Variants in KLKB1 observed in about 807,000 individuals in gnomAD.
KLKB1 encodes kallikrein B1, also known as plasma kallikrein.
KLKB1 carries 58 observed loss-of-function variants against 73.6 expected under a neutral mutation model. That is an observed-to-expected ratio of 0.79 (90% CI 0.64 to 0.98). The LOEUF (loss-of-function observed/expected upper bound fraction) is 0.98. KLKB1 is among the 50% of genes least tolerant of loss of function. The probability of loss-of-function intolerance (pLI) is 0.00; values close to 1 mark genes in which losing one functional copy is unlikely to be tolerated. For missense variants in KLKB1, 737 were observed against 763.8 expected, an observed-to-expected ratio of 0.96 and a Z score of 0.41; for synonymous variants, 280 against 258.1, an observed-to-expected ratio of 1.08 and a Z score of -0.81.
At chr4:186,247,194 CT>C (rs1183987784) in intron 6 of KLKB1, among the ~76,000 whole-genome samples, 2 of 152,128 alleles carry the variant, frequency 1.3e-5, no homozygotes, top group African/African-American at 4.8e-5. Context: ...GGGAGGTCCC[CT>C]GATCTGAGTC....
At chr4:186,215,639 T>C (rs1164400409) in intron 2 of KLKB1, among the ~76,000 whole-genome samples, 1 of 152,094 alleles carries the variant, frequency 6.6e-6, no homozygotes, top group African/African-American at 2.4e-5. Flanking sequence ...AGTGGCGCAA[T>C]TGTGGCTCAC....
At chr4:186,234,660 G>T (rs1451384915) in intron 4 of KLKB1, among the ~76,000 whole-genome samples, 1 of 152,160 alleles carries the variant, frequency 6.6e-6, no homozygotes, top group East Asian at 1.9e-4. Flanking sequence ...CCAAATTGAA[G>T]AACTGAGTTC....
rs777944263 is a variant in KLKB1, at chr4:186,236,776, T to C, written c.329-5T>C. The C allele has an allele frequency of 1.2e-6, 2 of 1,613,944 alleles. No homozygotes were observed. The highest frequency in any genetic ancestry group is 1.7e-6 in the Non-Finnish European group (2 of 1,179,818). On this transcript the variant is annotated splice_region_variant and splice_polypyrimidine_tract_variant and intron_variant, in intron 4 of 14. Transcript: ENST00000264690. ...GTATTTGCTCTATGTATTTTTCTTG[T>C]ACAGCTTGCCATCGAGACATTTATA...
At chr4:186,254,426 C>T (rs986369399) in intron 11 of KLKB1, among the ~76,000 whole-genome samples, 162 bp from the exon 12 acceptor site, 6 of 152,126 alleles carry the variant, frequency 3.9e-5, no homozygotes, top group South Asian at 4.1e-4. Context: ...TCACTACTGC[C>T]GCTATTGGTG....
In KLKB1 at chr4:186,257,902, A is replaced by G. The variant is rs1739100303; in HGVS notation, c.1726-119A>G. ...ATGAAACCCATCTCTACAAAAAAATATGAAAGTATCTGTGTGTGTGTGTTG... is the reference window on the plus strand; with the variant it reads ...ATGAAACCCATCTCTACAAAAAAATGTGAAAGTATCTGTGTGTGTGTGTTG... On this transcript the variant is annotated intron_variant, in intron 14 of 14. Transcript: ENST00000264690. The G allele has an allele frequency of 4.2e-6, 4 of 946,930 alleles. No individual in the cohort carries two copies. The South Asian group carries it at 5.5e-5, about 13-fold the overall frequency. 58.7% of individuals were successfully genotyped at this position (946,930 alleles called of 1,614,324 possible).
chr4:186,231,320 G>A (rs896975830), intron 2 of KLKB1, among the ~76,000 whole-genome samples: 1 of 152,240 alleles, frequency 6.6e-6, no homozygotes, highest in Admixed American at 6.5e-5. Flanking sequence ...TTCAAAGACA[G>A]TCTTTCCCGG....
At chr4:186,221,242 AAC>A (rs1737025629) in intron 2 of KLKB1, among the ~76,000 whole-genome samples, 1 of 151,770 alleles carries the variant, frequency 6.6e-6, no homozygotes, top group African/African-American at 2.4e-5. Flanking sequence ...TAAAAACAAT[AAC>A]AGTGTCATTG....
At chr4:186,257,599 A>T (rs1415268916) in intron 14 of KLKB1, among the ~76,000 whole-genome samples, 3 of 149,166 alleles carry the variant, frequency 2.0e-5, no homozygotes, top group Admixed American at 6.8e-5. Context: ...ATATACATGC[A>T]ATAATTGTGC....
In KLKB1 at chr4:186,242,047, G is replaced by T. The variant is rs4253264; in HGVS notation, c.598+3682G>T. 4.7e-3 allele frequency among the ~76,000 whole-genome samples: 714 copies of T among 152,202 alleles called. 2 individuals carry two copies. The highest frequency in any genetic ancestry group is 0.017 in the Middle Eastern group (5 of 294). On this transcript the variant is annotated intron_variant, in intron 6 of 14. Transcript: ENST00000264690. ...ACCTGGGTGCAGGCAGGCTGAGTCCGAAAAGAGAGTCAGTGAAGGGAGATG... is the reference window on the plus strand; with the variant it reads ...ACCTGGGTGCAGGCAGGCTGAGTCCTAAAAGAGAGTCAGTGAAGGGAGATG...
chr4:186,257,339 A>G lies in KLKB1; in HGVS notation c.1699A>G (p.Lys567Glu), dbSNP rs566847184. 3.8e-6 allele frequency: 6 copies of G among 1,596,768 alleles called. No homozygotes were observed. In the East Asian group the frequency reaches 1.1e-4, roughly 30 times the overall value. ...ITQRMVCAGY[K>E]EGGKDACKGD... ...CCAACGGATGGTCTGTGCTGGCTAT[A>G]AAGAAGGGGGAAAAGATGCTTGTAA... Residue 567 changes from lysine (K) to glutamate (E), a missense_variant, in exon 14 of 15, where the codon AAA becomes GAA. Lys to Glu is a moderately conservative substitution (Grantham distance 56, BLOSUM62 1). Transcript: ENST00000264690.
intron 4 of KLKB1, 46 bp downstream of exon 4, chr4:186,234,104 C>T (rs370569056): frequency 7.5e-5 from 105 of 1,402,412 alleles, no homozygotes; most frequent in Non-Finnish European, 9.9e-5. Context: ...TATTGGATCT[C>T]GCTTAGAACA....
At chr4:186,245,543 G>T (rs1297543357) in intron 6 of KLKB1, among the ~76,000 whole-genome samples, 1 of 152,166 alleles carries the variant, frequency 6.6e-6, no homozygotes, top group Admixed American at 6.5e-5. Flanking sequence ...GCATTCCTTG[G>T]CCCATTGGCC....
At chr4:186,242,885 C>T (rs531050573) in intron 6 of KLKB1, among the ~76,000 whole-genome samples, 2 of 147,946 alleles carry the variant, frequency 1.4e-5, no homozygotes, top group Non-Finnish European at 3.0e-5. Context: ...ATACCAAGAG[C>T]CTGAGAAACT....
chr4:186,221,890 T>C (rs1737039953), upstream of KLKB1, among the ~76,000 whole-genome samples: 2 of 152,334 alleles, frequency 1.3e-5, no homozygotes, highest in African/African-American at 4.8e-5. Context: ...CATGTTGCTA[T>C]TTATTTCTCC....
chr4:186,223,670 C>T (rs541952459), upstream of KLKB1, among the ~76,000 whole-genome samples: 14 of 152,176 alleles, frequency 9.2e-5, no homozygotes, highest in East Asian at 3.9e-4. Context: ...AAGTCATATG[C>T]GTTCACAAAG....
chr4:186,251,541 A>T lies in KLKB1; in HGVS notation c.923A>T (p.Asn308Ile). 6.2e-7 allele frequency: 1 copy of T among 1,614,078 alleles called. No individual in the cohort carries two copies. The highest frequency in any genetic ancestry group is 8.5e-7 in the Non-Finnish European group (1 of 1,179,944). The change falls in exon 9 of 15, where the codon AAT becomes ATT. Residue 308 changes from asparagine (N) to isoleucine (I), a missense_variant. Coordinates refer to ENST00000264690, the MANE Select transcript of KLKB1 (RefSeq NM_000892.5). ...PGVDFGGEEL[N>I]VTFVKGVNVC... ...GTTGACTTTGGAGGAGAAGAATTGA[A>T]TGTGACTTTTGTTAAAGGAGTGAAT...
chr4:186,225,259 G>C, upstream of KLKB1, among the ~76,000 whole-genome samples: 1 of 149,240 alleles, frequency 6.7e-6, no homozygotes, highest in East Asian at 1.9e-4. Flanking sequence ...TTGGTTGCCA[G>C]GTTTTGTACT....
At chr4:186,219,350 A>C (rs1158187340) in intron 2 of KLKB1, among the ~76,000 whole-genome samples, 1 of 152,198 alleles carries the variant, frequency 6.6e-6, no homozygotes, top group Non-Finnish European at 1.5e-5. Flanking sequence ...TAATCTTCAA[A>C]TAAAGATAAT....
At chr4:186,236,187 G>A (rs1318210473) in intron 4 of KLKB1, among the ~76,000 whole-genome samples, 1 of 151,292 alleles carries the variant, frequency 6.6e-6, no homozygotes, top group Admixed American at 6.6e-5. Flanking sequence ...TCTTTTGCAT[G>A]TAAGACAAAT....
Sources: gnomAD v4.1 joint callset for allele counts (sites outside exome capture counted in the v4.1 genomes callset) on GRCh38, gnomAD v4.1.1 for gene constraint, MANE v1.5 for transcripts, NCBI Gene and HGNC (gene_info 2026-07-23, HGNC 2026-07-21) for gene names.